RAB11A: variants seen among roughly 807,000 people sequenced by gnomAD.
The protein encoded by RAB11A is ras-related protein Rab-11A.
A neutral mutation model predicts 28.0 loss-of-function variants in RAB11A; 9 were observed. That is an observed-to-expected ratio of 0.32 (90% CI 0.19 to 0.56). RAB11A has a LOEUF of 0.56. Among genes scored for constraint, RAB11A ranks in the 20% least tolerant of loss-of-function variants. The probability of loss-of-function intolerance (pLI) is 0.91; values close to 1 mark genes in which losing one functional copy is unlikely to be tolerated. For missense variants in RAB11A, 108 were observed against 269.6 expected, an observed-to-expected ratio of 0.40 and a Z score of 4.20; for synonymous variants, 85 against 88.2, an observed-to-expected ratio of 0.96 and a Z score of 0.20.
At chr15:65,885,224 G>A (rs1490911814) in intron 4 of RAB11A, among the ~76,000 whole-genome samples, 1 of 148,126 alleles carries the variant, frequency 6.8e-6, no homozygotes, top group African/African-American at 2.5e-5. Flanking sequence ...TCCGGGACAA[G>A]CGATTCTCCT....
chr15:65,884,725 C>T (rs1160178985), intron 4 of RAB11A, among the ~76,000 whole-genome samples: 1 of 146,762 alleles, frequency 6.8e-6, no homozygotes, highest in Non-Finnish European at 1.5e-5. Flanking sequence ...AAGTAATTTA[C>T]ATACTTAAGT....
At position 65,877,990 on chromosome 15, in the gene RAB11A, T is replaced by G. The variant is rs1458187371; in HGVS notation, c.430+35T>G. 2 of 1,566,424 alleles carry G rather than the reference T, an allele frequency of 1.3e-6. No homozygotes were observed. Among genetic ancestry groups the G allele is most frequent in the Admixed American group, 3.3e-5 (2 of 59,926 alleles). Reference sequence around the variant, plus strand: ...AGGAATTCCATGATATTTCTTACCATTGTGTCTTGTGGTTTTGATACCTTC... The same window carrying G: ...AGGAATTCCATGATATTTCTTACCAGTGTGTCTTGTGGTTTTGATACCTTC... On this transcript the variant is annotated intron_variant, in intron 3 of 4. Coordinates refer to ENST00000261890, the MANE Select transcript of RAB11A (RefSeq NM_004663.5). This position sits in a 1 kb window ranked among gnomAD's most constrained non-coding sequence, Gnocchi z 4.1.
intron 1 of RAB11A, among the ~76,000 whole-genome samples, chr15:65,872,066 C>T (rs755438783): frequency 6.6e-6 from 1 of 151,350 alleles, no homozygotes. Flanking sequence ...CCTAGCTACT[C>T]TCTAGCTCCT....
chr15:65,875,449 G>C (rs529813883), intron 1 of RAB11A, among the ~76,000 whole-genome samples: 4 of 152,266 alleles, frequency 2.6e-5, no homozygotes, highest in African/African-American at 7.2e-5. Context: ...TTGGAAACTA[G>C]TATATCAACT....
At position 65,869,556 on chromosome 15, in the gene RAB11A, G is replaced by A. The variant is rs2078144860; in HGVS notation, c.-30G>A. On this transcript the variant is annotated 5_prime_UTR_variant, in exon 1 of 5. Transcript: ENST00000261890. ...CCCTGGTCCCACAGATACCACTGCT[G>A]CTCCCGCCCTTTCGCTCCTCGGCCG... 1.9e-6 allele frequency: 3 copies of A among 1,607,820 alleles called. No individual in the cohort carries two copies. The highest frequency in any genetic ancestry group is 1.3e-5 in the African/African-American group (1 of 74,876).
chr15:65,886,536 T>A (rs2078257082), intron 4 of RAB11A, among the ~76,000 whole-genome samples: 1 of 152,222 alleles, frequency 6.6e-6, no homozygotes. Context: ...TATCTTGCTT[T>A]TTGAGAGTAG....
At chr15:65,880,781 T>C (rs1401371035) in intron 4 of RAB11A, among the ~76,000 whole-genome samples, 2 of 152,212 alleles carry the variant, frequency 1.3e-5, no homozygotes, top group Non-Finnish European at 2.9e-5. Flanking sequence ...CTAACCCTTT[T>C]AGGCCTTAAT....
intron 1 of RAB11A, among the ~76,000 whole-genome samples, chr15:65,870,899 C>G (rs948048485): frequency 6.6e-6 from 1 of 151,606 alleles, no homozygotes; most frequent in Non-Finnish European, 1.5e-5. Context: ...ATAAAGGGTA[C>G]ATTTTTCAAT....
At chr15:65,869,984 C>G (rs1452205834) in intron 1 of RAB11A, 1 of 208,428 alleles carries the variant, frequency 4.8e-6, no homozygotes, top group Non-Finnish European at 9.6e-6. Context: ...CCCCCTCCCC[C>G]TCGGCGTACA....
rs960414631 is a variant in RAB11A, at chr15:65,871,919, G to GTTTTTT, written c.40+2318_40+2323dup. ...GAAAGAAGTTACTGTGGTTTTGTCA[G>GTTTTTT]TTTTTTTTTTTTTTTTTTTTTTTTT... On this transcript the variant is annotated intron_variant, in intron 1 of 4. Transcript: ENST00000261890. Among the ~76,000 whole-genome samples, 24 of 72,056 alleles carry GTTTTTT rather than the reference G, an allele frequency of 3.3e-4. 1 individual carries two copies. The highest frequency in any genetic ancestry group is 1.6e-3 in the East Asian group (3 of 1,918). The allele number at this position is 72,056 out of a possible 152,430, so 47.3% of individuals were successfully genotyped here. A position where few individuals can be genotyped will look rare whatever the true frequency, so the allele number is the denominator to read the frequency against.
At chr15:65,883,175 G>C (rs1214922204) in intron 4 of RAB11A, among the ~76,000 whole-genome samples, 1 of 152,150 alleles carries the variant, frequency 6.6e-6, no homozygotes, top group Non-Finnish European at 1.5e-5. Context: ...TTTAATTACA[G>C]ACCTTATTCA....
At chr15:65,884,018 T>C (rs1397384689) in intron 4 of RAB11A, among the ~76,000 whole-genome samples, 1 of 152,186 alleles carries the variant, frequency 6.6e-6, no homozygotes, top group Non-Finnish European at 1.5e-5. Context: ...AGTGTATCTT[T>C]TCTTAGATTC....
chr15:65,878,188 G>A (rs4530073), intron 3 of RAB11A: 93,876 of 569,870 alleles, frequency 0.16, 8,679 homozygotes, highest in African/African-American at 0.2. Context: ...CTCTTTTTCT[G>A]TTATGTTTCT....
In RAB11A at chr15:65,890,759, T is replaced by C. The variant is rs1017021880; in HGVS notation, c.*2919T>C. The C allele has an allele frequency of 6.6e-6, 1 of 152,238 alleles. No homozygotes were observed. Among genetic ancestry groups the C allele is most frequent in the South Asian group, 2.1e-4 (1 of 4,830 alleles). 9.4% of individuals were successfully genotyped at this position (152,238 alleles called of 1,614,324 possible). On this transcript the variant is annotated 3_prime_UTR_variant, in exon 5 of 5. Transcript: ENST00000261890. ...ACCTTAGAGAAGAAGCTGTACTATTTAGACAGTTTTGGCCAACACTAGAAG... is the reference window on the plus strand; with the variant it reads ...ACCTTAGAGAAGAAGCTGTACTATTCAGACAGTTTTGGCCAACACTAGAAG...
intron 1 of RAB11A, among the ~76,000 whole-genome samples, chr15:65,871,919 G>GTTTTTTTTTT (rs960414631): frequency 2.8e-5 from 2 of 72,054 alleles, no homozygotes; most frequent in African/African-American, 5.6e-5. Flanking sequence ...GGTTTTGTCA[G>GTTTTTTTTTT]TTTTTTTTTT....
chr15:65,869,555 T>C lies in RAB11A; in HGVS notation c.-31T>C. On this transcript the variant is annotated 5_prime_UTR_variant, in exon 1 of 5. Transcript: ENST00000261890. ...CCCCTGGTCCCACAGATACCACTGC[T>C]GCTCCCGCCCTTTCGCTCCTCGGCC... The C allele has an allele frequency of 6.2e-7, 1 of 1,607,950 alleles. No individual in the cohort carries two copies. The highest frequency in any genetic ancestry group is 8.5e-7 in the Non-Finnish European group (1 of 1,179,040).
chr15:65,871,919 G>GTTTTTTTTTTTT (rs960414631), intron 1 of RAB11A, among the ~76,000 whole-genome samples: 1 of 72,034 alleles, frequency 1.4e-5, no homozygotes. Flanking sequence ...GGTTTTGTCA[G>GTTTTTTTTTTTT]TTTTTTTTTT....
At chr15:65,885,779 C>T (rs943896090) in intron 4 of RAB11A, among the ~76,000 whole-genome samples, 5 of 152,146 alleles carry the variant, frequency 3.3e-5, no homozygotes, top group Admixed American at 1.3e-4. Flanking sequence ...AAAAGGCATA[C>T]GAAATTTATT....
rs372655550 is a variant in RAB11A at position 65,879,769 on chromosome 15, A to C, written c.511+18A>C. 1.3e-5 allele frequency: 20 copies of C among 1,505,306 alleles called. No individual in the cohort carries two copies. The African/African-American group carries it at 2.6e-4, about 20-fold the overall frequency. 93.2% of individuals were successfully genotyped at this position (1,505,306 alleles called of 1,614,324 possible). A position where few individuals can be genotyped will look rare whatever the true frequency, so the allele number is the denominator to read the frequency against. ...TTTAACAGGTAAGACTTGTATTTTCAGATTACACCAGTAGGACTAGAAGTT... is the reference window on the plus strand; with the variant it reads ...TTTAACAGGTAAGACTTGTATTTTCCGATTACACCAGTAGGACTAGAAGTT... On this transcript the variant is annotated intron_variant, in intron 4 of 4. Transcript: ENST00000261890.
Sources: allele counts gnomAD v4.1 joint callset (sites outside exome capture counted in the v4.1 genomes callset), GRCh38; gene constraint gnomAD v4.1.1; non-coding constraint Gnocchi (gnomAD v3.1); transcripts MANE v1.5; gene names NCBI Gene and HGNC (gene_info 2026-07-23, HGNC 2026-07-21).